Variants in VWA5B1 observed in about 807,000 individuals in gnomAD.
The protein encoded by VWA5B1 is von Willebrand factor A domain-containing protein 5B1.
Under a neutral mutation model 118.2 loss-of-function variants are expected in VWA5B1, and 115 were observed. That is an observed-to-expected ratio of 0.97 (90% CI 0.84 to 1.14). The LOEUF (loss-of-function observed/expected upper bound fraction) is 1.14. Among genes scored for constraint, VWA5B1 ranks in the 50% most tolerant of loss-of-function variants. VWA5B1 has a pLI of 0.00. For synonymous variants in VWA5B1, 682 were observed against 658.4 expected, an observed-to-expected ratio of 1.04 and a Z score of -0.55; for missense variants, 1,596 against 1,603.8, an observed-to-expected ratio of 1.00 and a Z score of 0.08.
At chr1:20,312,270 A>T (rs1445733132) in intron 2 of VWA5B1, among the ~76,000 whole-genome samples, 7 of 152,242 alleles carry the variant, frequency 4.6e-5, no homozygotes. Flanking sequence ...AAGCACTAAG[A>T]TATAATAATG....
chr1:20,330,603 A>G (rs1381058591), intron 10 of VWA5B1, among the ~76,000 whole-genome samples: 3 of 152,224 alleles, frequency 2.0e-5, no homozygotes, highest in African/African-American at 7.2e-5. Flanking sequence ...ACGACTCACA[A>G]GAGAAGCCCA....
chr1:20,342,390 C>A (rs1201904101), intron 14 of VWA5B1, 42 bp from the exon 15 acceptor site: 1 of 1,532,292 alleles, frequency 6.5e-7, no homozygotes. Flanking sequence ...CCTCCTCCTC[C>A]TCGTCCTCCT....
chr1:20,331,756 A>C (rs1368175349), intron 11 of VWA5B1, among the ~76,000 whole-genome samples: 1 of 152,094 alleles, frequency 6.6e-6, no homozygotes, highest in Non-Finnish European at 1.5e-5. Flanking sequence ...GTCTTGGCTC[A>C]AAAGCTGGGG....
chr1:20,291,359 T>TTCTTTCTCTCTCTC (rs1381113890), intron 1 of VWA5B1, among the ~76,000 whole-genome samples: 30 of 103,400 alleles, frequency 2.9e-4, no homozygotes, highest in South Asian at 6.8e-4. Flanking sequence ...CTTTCTTTCT[T>TTCTTTCTCTCTCTC]TCTCTCTCTC....
intron 14 of VWA5B1, among the ~76,000 whole-genome samples, chr1:20,341,927 A>T (rs1043360781): frequency 1.3e-5 from 2 of 152,208 alleles, no homozygotes; most frequent in Non-Finnish European, 2.9e-5. Flanking sequence ...ATCAAGAAAA[A>T]ATCTGATTCC....
Position 20,291,359 on chromosome 1 carries a change from T to TTCTTTCTTTCTTTCTCTC in VWA5B1, c.-27+274_-27+275insTTCTTTCTTTCTCTCTCT, listed in dbSNP as rs1381113890. Among the ~76,000 whole-genome samples, 935 of 103,358 alleles carry TTCTTTCTTTCTTTCTCTC rather than the reference T, an allele frequency of 9.0e-3. 17 individuals carry two copies. Among genetic ancestry groups the TTCTTTCTTTCTTTCTCTC allele is most frequent in the African/African-American group, 0.029 (811 of 27,592 alleles). The allele number at this position is 103,358 out of a possible 152,430, so 67.8% of individuals were successfully genotyped here. ...TCTCTCTCTTTCTTTCTTTCTTTCT[T>TTCTTTCTTTCTTTCTCTC]TCTCTCTCTCTCTCTCTCTCTCTCT... On this transcript the variant is annotated intron_variant, in intron 1 of 21. Coordinates refer to ENST00000289815, the MANE Select transcript of VWA5B1 (RefSeq NM_001039500.3).
intron 1 of VWA5B1, among the ~76,000 whole-genome samples, chr1:20,304,886 A>G (rs1265173214): frequency 6.6e-6 from 1 of 152,116 alleles, no homozygotes; most frequent in Admixed American, 6.5e-5. Flanking sequence ...ATTTTCATTT[A>G]TCAAATAGGG....
chr1:20,317,281 G>A (rs78917912), intron 4 of VWA5B1, among the ~76,000 whole-genome samples: 3 of 152,042 alleles, frequency 2.0e-5, no homozygotes, highest in African/African-American at 7.2e-5. Context: ...CGGTGAGAAC[G>A]ATGTGAGCTA....
At chr1:20,305,760 G>T (rs142755187) in intron 1 of VWA5B1, among the ~76,000 whole-genome samples, 70 of 152,062 alleles carry the variant, frequency 4.6e-4, no homozygotes, top group African/African-American at 1.7e-3. Context: ...TGGCACTTAT[G>T]GTAGGCAGGG....
chr1:20,356,341 T>C lies in VWA5B1; in HGVS notation c.*2078T>C, dbSNP rs1423715803. Among the ~76,000 whole-genome samples the C allele has an allele frequency of 1.3e-5, 2 of 152,254 alleles. No individual in the cohort carries two copies. Among genetic ancestry groups the C allele is most frequent in the Non-Finnish European group, 2.9e-5 (2 of 68,044 alleles). ...CTCCTGCTCTGACAGTCCCAGACTC[T>C]CTGCCTCTGAGATGTTTCCCTCTTC... On this transcript the variant is annotated 3_prime_UTR_variant, in exon 22 of 22. Transcript: ENST00000289815.
intron 1 of VWA5B1, among the ~76,000 whole-genome samples, chr1:20,298,374 A>G (rs2088446631): frequency 6.6e-6 from 1 of 151,980 alleles, no homozygotes; most frequent in South Asian, 2.1e-4. Flanking sequence ...CAATTCCATC[A>G]TTTTTAATCC....
At chr1:20,329,725 G>A (rs144786649) in intron 9 of VWA5B1, among the ~76,000 whole-genome samples, 31 of 152,258 alleles carry the variant, frequency 2.0e-4, no homozygotes, top group Admixed American at 6.5e-4. Flanking sequence ...TTGGTCCAGA[G>A]CAAGGAAATC....
chr1:20,297,295 A>G (rs2088422587), intron 1 of VWA5B1, among the ~76,000 whole-genome samples: 1 of 152,272 alleles, frequency 6.6e-6, no homozygotes, highest in Non-Finnish European at 1.5e-5. Context: ...TGCCACATGT[A>G]CAAAGTAGGC....
At chr1:20,298,014 T>G (rs77976364) in intron 1 of VWA5B1, among the ~76,000 whole-genome samples, 2 of 144,276 alleles carry the variant, frequency 1.4e-5, no homozygotes, top group African/African-American at 2.6e-5. Context: ...TTTTTTTTTT[T>G]TTTTGTTTGT....
intron 19 of VWA5B1, 102 bp downstream of exon 19, chr1:20,350,332 T>C (rs962877792): frequency 2.3e-6 from 3 of 1,324,414 alleles, no homozygotes; most frequent in African/African-American, 2.9e-5. Context: ...CAGGGCTTCA[T>C]GGAGTCCTCA....
At chr1:20,351,445 A>G (rs1224178710) in intron 20 of VWA5B1, among the ~76,000 whole-genome samples, 7 of 152,258 alleles carry the variant, frequency 4.6e-5, no homozygotes, top group African/African-American at 1.7e-4. Context: ...TAAGGTCAGG[A>G]GTTCGAGACC....
Position 20,330,430 on chromosome 1 carries a change from G to T in VWA5B1, c.1457+48G>T, listed in dbSNP as rs537882343. On this transcript the variant is annotated intron_variant, in intron 10 of 21. Coordinates refer to ENST00000289815, the MANE Select transcript of VWA5B1 (RefSeq NM_001039500.3). ...GGCTCGGTGACTCCAGGCTGCCGGGGCTGGGGCGCCAGAGCCCAAGGGCAA... is the reference window on the plus strand; with the variant it reads ...GGCTCGGTGACTCCAGGCTGCCGGGTCTGGGGCGCCAGAGCCCAAGGGCAA... 4.0e-5 allele frequency: 62 copies of T among 1,544,654 alleles called. No individual in the cohort carries two copies. The East Asian group carries it at 1.0e-3, about 26-fold the overall frequency.
intron 1 of VWA5B1, among the ~76,000 whole-genome samples, chr1:20,302,102 C>G (rs986940766): frequency 2.0e-5 from 3 of 152,124 alleles, no homozygotes; most frequent in African/African-American, 7.2e-5. Context: ...CCCCAGACAC[C>G]GTGGTGGCTT....
At chr1:20,299,970 G>A (rs1021921865) in intron 1 of VWA5B1, among the ~76,000 whole-genome samples, 7 of 152,232 alleles carry the variant, frequency 4.6e-5, no homozygotes, top group African/African-American at 1.4e-4. Flanking sequence ...CTGGCTGGCA[G>A]GTGCACTAAC....
Sources: gnomAD v4.1 joint callset for allele counts (sites outside exome capture counted in the v4.1 genomes callset) on GRCh38, gnomAD v4.1.1 for gene constraint, MANE v1.5 for transcripts, NCBI Gene and HGNC (gene_info 2026-07-23, HGNC 2026-07-21) for gene names.